The following STAP1 variants were observed in gnomAD, a reference collection of about 807,000 sequenced individuals.
The protein encoded by STAP1 is signal transducing adaptor family member 1.
Under a neutral mutation model 37.8 loss-of-function variants are expected in STAP1, and 30 were observed. That is an observed-to-expected ratio of 0.79 (90% CI 0.59 to 1.08). STAP1 has a LOEUF of 1.08. STAP1 is among the 50% of genes least tolerant of loss of function. STAP1 has a pLI of 0.00. For missense variants in STAP1, 357 were observed against 349.4 expected, an observed-to-expected ratio of 1.02 and a Z score of -0.17; for synonymous variants, 130 against 116.0, an observed-to-expected ratio of 1.12 and a Z score of -0.78.
intron 2 of STAP1, among the ~76,000 whole-genome samples, chr4:67,572,732 A>G (rs1183444379): frequency 2.6e-5 from 4 of 152,234 alleles, no homozygotes; most frequent in African/African-American, 4.8e-5. Flanking sequence ...GACCTAAGAG[A>G]GTAGCTGGCA....
chr4:67,580,978 A>G (rs549732142), intron 4 of STAP1, among the ~76,000 whole-genome samples: 1 of 152,288 alleles, frequency 6.6e-6, no homozygotes, highest in Non-Finnish European at 1.5e-5. Context: ...TTGATGAACT[A>G]GTGAGCTCAG....
chr4:67,571,072 T>G lies in STAP1; in HGVS notation c.121-12T>G. 1 of 1,603,390 alleles carries G rather than the reference T, an allele frequency of 6.2e-7. No individual in the cohort carries two copies. The highest frequency in any genetic ancestry group is 8.5e-7 in the Non-Finnish European group (1 of 1,171,420). On this transcript the variant is annotated splice_polypyrimidine_tract_variant and intron_variant, in intron 1 of 8. Transcript: ENST00000265404. ...CACTAATGAAATAATGTTTATGGTT[T>G]CTTTCCCACAGGAGTATGAGCATTA... is the stretch of plus-strand genomic sequence containing the variant.
intron 8 of STAP1, among the ~76,000 whole-genome samples, chr4:67,605,207 A>G (rs529257400): frequency 1.3e-5 from 2 of 152,080 alleles, no homozygotes; most frequent in Non-Finnish European, 2.9e-5. Context: ...AAAGTTAGAG[A>G]TAAGAAAGAG....
intron 1 of STAP1, among the ~76,000 whole-genome samples, chr4:67,565,357 A>C (rs1039627418): frequency 2.6e-5 from 4 of 152,182 alleles, no homozygotes; most frequent in Admixed American, 2.0e-4. Context: ...GTGATTTTAC[A>C]TAGGAATGAC....
At chr4:67,596,800 C>T (rs1404450425) in intron 8 of STAP1, among the ~76,000 whole-genome samples, 1 of 152,106 alleles carries the variant, frequency 6.6e-6, no homozygotes, top group East Asian at 1.9e-4. Context: ...TGTGACCTGG[C>T]TTTTTCTAAA....
At chr4:67,606,168 C>T in intron 8 of STAP1, 128 bp from the exon 9 acceptor site, 2 of 638,836 alleles carry the variant, frequency 3.1e-6, no homozygotes, top group African/African-American at 1.9e-5. Context: ...ATTTATTTTC[C>T]TAACAATTAC....
intron 4 of STAP1, among the ~76,000 whole-genome samples, chr4:67,579,671 C>T (rs1322023614): frequency 1.3e-5 from 2 of 151,836 alleles, no homozygotes; most frequent in African/African-American, 4.8e-5. Context: ...GGAAGAGGGA[C>T]CACACACTTT....
chr4:67,601,061 TTGTC>T (rs1484810917), intron 8 of STAP1, among the ~76,000 whole-genome samples: 9 of 152,198 alleles, frequency 5.9e-5, no homozygotes, highest in Non-Finnish European at 1.0e-4. Flanking sequence ...ACCTTCTTTC[TTGTC>T]TTTTTTGTGA....
In STAP1 at chr4:67,581,598, A is replaced by G. The variant is rs961389181; in HGVS notation, c.530+127A>G. 20 of 992,064 alleles carry G rather than the reference A, an allele frequency of 2.0e-5. No individual in the cohort carries two copies. In the African/African-American group the frequency reaches 2.5e-4, roughly 12 times the overall value. 61.5% of individuals were successfully genotyped at this position (992,064 alleles called of 1,614,324 possible). On this transcript the variant is annotated intron_variant, in intron 5 of 8. Transcript: ENST00000265404. ...AAGCAGTCTTGGGGATAAACTGTAT[A>G]TCTCTGCGTACATGCCATATTTCCT...
At chr4:67,580,595 G>A (rs560574770) in intron 4 of STAP1, among the ~76,000 whole-genome samples, 4 of 152,212 alleles carry the variant, frequency 2.6e-5, no homozygotes, top group South Asian at 2.1e-4. Context: ...CTAGGGTCAC[G>A]TACAAAAAAT....
chr4:67,564,600 A>C (rs984135034), intron 1 of STAP1, among the ~76,000 whole-genome samples: 1 of 152,110 alleles, frequency 6.6e-6, no homozygotes, highest in Admixed American at 6.6e-5. Context: ...TTCCTCCAGG[A>C]ATCATACAAT....
At chr4:67,594,244 T>TATC (rs1294600641) in intron 8 of STAP1, among the ~76,000 whole-genome samples, 39 of 152,332 alleles carry the variant, frequency 2.6e-4, no homozygotes, top group African/African-American at 9.1e-4. Context: ...CATTGGGGCA[T>TATC]ATCTGGATAG....
intron 6 of STAP1, among the ~76,000 whole-genome samples, chr4:67,584,733 A>C (rs1727943841): frequency 6.6e-6 from 1 of 152,194 alleles, no homozygotes; most frequent in South Asian, 2.1e-4. Flanking sequence ...GGCTGCTGTG[A>C]CTGCAATGAA....
chr4:67,581,479 C>T lies in STAP1; in HGVS notation c.530+8C>T. 2 of 1,596,356 alleles carry T rather than the reference C, an allele frequency of 1.3e-6. No homozygotes were observed. Among genetic ancestry groups the T allele is most frequent in the Non-Finnish European group, 1.7e-6 (2 of 1,172,786 alleles). ...ACTGAACCCTATGCCAGCGTAAGTG[C>T]ACAATGAACTGCAGTTTATTCATTC... On this transcript the variant is annotated splice_region_variant and intron_variant, in intron 5 of 8. Coordinates refer to ENST00000265404, the MANE Select transcript of STAP1 (RefSeq NM_012108.4).
chr4:67,585,634 C>T (rs940452436), intron 6 of STAP1, among the ~76,000 whole-genome samples: 5 of 152,010 alleles, frequency 3.3e-5, no homozygotes, highest in South Asian at 2.1e-4. Flanking sequence ...TATAAACTAA[C>T]GATTGAAGTT....
chr4:67,571,209 T>G, intron 2 of STAP1, 54 bp downstream of exon 2: 1 of 1,205,744 alleles, frequency 8.3e-7, no homozygotes. Flanking sequence ...CCTTGTCACA[T>G]AGCATATTAT....
chr4:67,579,616 G>A (rs1197838049), intron 4 of STAP1, among the ~76,000 whole-genome samples: 1 of 152,098 alleles, frequency 6.6e-6, no homozygotes, highest in Non-Finnish European at 1.5e-5. Flanking sequence ...AGGTGAAGGG[G>A]GAACAGACAT....
intron 6 of STAP1, 64 bp downstream of exon 6, chr4:67,583,766 A>C (rs1371385223): frequency 2.6e-6 from 4 of 1,557,612 alleles, no homozygotes; most frequent in Admixed American, 1.9e-5. Context: ...ATACAAGTCC[A>C]GATCAGCACC....
At chr4:67,559,977 G>A (rs1446198244) in intron 1 of STAP1, among the ~76,000 whole-genome samples, 3 of 151,890 alleles carry the variant, frequency 2.0e-5, no homozygotes, top group African/African-American at 7.3e-5. Flanking sequence ...AGTTATATTA[G>A]AATTTTTTAG....
Sources: allele counts gnomAD v4.1 joint callset (sites outside exome capture counted in the v4.1 genomes callset), GRCh38; gene constraint gnomAD v4.1.1; transcripts MANE v1.5; gene names NCBI Gene and HGNC (gene_info 2026-07-23, HGNC 2026-07-21).